ADRA1B: variants seen among roughly 807,000 people sequenced by gnomAD.
ADRA1B encodes the protein alpha-1B adrenergic receptor.
A neutral mutation model predicts 17.9 loss-of-function variants in ADRA1B; 17 were observed. The ratio of observed to expected loss-of-function variants is 0.95; its 90% confidence interval spans 0.65 to 1.42. The LOEUF is 1.42. ADRA1B is among the 40% of genes most tolerant of loss of function. ADRA1B has a pLI of 0.00. For synonymous variants in ADRA1B, 366 were observed against 327.6 expected, an observed-to-expected ratio of 1.12 and a Z score of -1.27; for missense variants, 681 against 722.1, an observed-to-expected ratio of 0.94 and a Z score of 0.65.
chr5:159,972,040 GGCCGCCGCCGACGCCGCCGCC>G lies in ADRA1B; in HGVS notation c.1116_1136del (p.Arg374_Arg380del). The G allele has an allele frequency of 7.3e-7, 1 of 1,378,408 alleles. No homozygotes were observed. The highest frequency in any genetic ancestry group is 9.4e-7 in the Non-Finnish European group (1 of 1,064,636). 85.4% of individuals were successfully genotyped at this position (1,378,408 alleles called of 1,614,324 possible). A position where few individuals can be genotyped will look rare whatever the true frequency, so the allele number is the denominator to read the frequency against. On this transcript the variant is annotated inframe_deletion, in exon 2 of 2. Transcript: ENST00000306675. ...CCTCGGGTGCCAGTGCCGCGGCCGC[GGCCGCCGCCGACGCCGCCGCC>G]GCCGTCGCCTGGGCGGCTGCGCCTA...
the ADRA1B span, among the ~76,000 whole-genome samples, chr5:159,980,020 C>T: frequency 1.3e-5 from 2 of 151,910 alleles, no homozygotes; most frequent in Non-Finnish European, 2.9e-5. Context: ...AGCGGACCAT[C>T]GTGTGTGGAG....
chr5:159,941,191 A>G (rs1755116746), intron 1 of ADRA1B, among the ~76,000 whole-genome samples: 1 of 152,240 alleles, frequency 6.6e-6, no homozygotes, highest in Non-Finnish European at 1.5e-5. Flanking sequence ...TTAAAAATGC[A>G]GTTCCTTGGC....
chr5:159,954,456 A>C (rs912416821), intron 1 of ADRA1B, among the ~76,000 whole-genome samples: 1 of 152,032 alleles, frequency 6.6e-6, no homozygotes, highest in Non-Finnish European at 1.5e-5. Flanking sequence ...CAAAGGCCCC[A>C]CCTCCTGATA....
At chr5:159,902,966 G>A (rs1382515202) in intron 1 of ADRA1B, among the ~76,000 whole-genome samples, 6 of 152,146 alleles carry the variant, frequency 3.9e-5, no homozygotes, top group Admixed American at 1.3e-4. Context: ...GACAGAACAC[G>A]TCAGGTACTT....
the ADRA1B span, among the ~76,000 whole-genome samples, chr5:159,983,548 A>G: frequency 2.0e-5 from 3 of 152,192 alleles, no homozygotes; most frequent in Non-Finnish European, 4.4e-5. Context: ...AGATACAGTG[A>G]TGAACAACGA....
chr5:159,875,190 G>C (rs545192511), intron 1 of ADRA1B, among the ~76,000 whole-genome samples: 1 of 152,294 alleles, frequency 6.6e-6, no homozygotes, highest in Non-Finnish European at 1.5e-5. Context: ...GGCCTTTTCA[G>C]TAAAATCATG....
At chr5:159,980,618 T>A in the ADRA1B span, among the ~76,000 whole-genome samples, 1 of 152,154 alleles carries the variant, frequency 6.6e-6, no homozygotes, top group Non-Finnish European at 1.5e-5. Flanking sequence ...TCTCTCAGCC[T>A]CCGTTTCCTG....
chr5:159,872,216 A>T (rs575862177), intron 1 of ADRA1B, among the ~76,000 whole-genome samples: 1 of 152,336 alleles, frequency 6.6e-6, no homozygotes, highest in South Asian at 2.1e-4. Context: ...GAAATTGCAC[A>T]TGTGGCCTTT....
intron 1 of ADRA1B, among the ~76,000 whole-genome samples, chr5:159,900,710 C>G (rs1188256233): frequency 1.3e-5 from 2 of 152,236 alleles, no homozygotes. Flanking sequence ...TGCCATACCC[C>G]CCACTGAGCA....
At chr5:159,933,158 G>T (rs965356232) in intron 1 of ADRA1B, among the ~76,000 whole-genome samples, 1 of 152,164 alleles carries the variant, frequency 6.6e-6, no homozygotes, top group Non-Finnish European at 1.5e-5. Flanking sequence ...TTAACAGGTG[G>T]AATTTTTGTG....
In ADRA1B at chr5:159,893,535, G is replaced by A. The variant is rs188523013; in HGVS notation, c.-255-22584G>A. Among the ~76,000 whole-genome samples the A allele has an allele frequency of 2.1e-4, 32 of 152,272 alleles. No homozygotes were observed. In the East Asian group the frequency reaches 5.8e-3, roughly 28 times the overall value. Reference sequence around the variant, plus strand: ...AGTGGAAAACAAGACATACATGCAGGGACCTCAAAGGCAAAGACTAGGGGT... The same window carrying A: ...AGTGGAAAACAAGACATACATGCAGAGACCTCAAAGGCAAAGACTAGGGGT... On this transcript the variant is annotated intron_variant, in intron 1 of 2. Transcript: ENST00000641205.
chr5:159,960,661 T>C (rs1006727734), intron 1 of ADRA1B, among the ~76,000 whole-genome samples: 13 of 139,038 alleles, frequency 9.3e-5, no homozygotes, highest in African/African-American at 3.3e-4. Context: ...CTGGGCAACA[T>C]AGCAAGTTCA....
intron 1 of ADRA1B, among the ~76,000 whole-genome samples, chr5:159,909,908 AG>A (rs948837235): frequency 6.6e-6 from 1 of 152,242 alleles, no homozygotes; most frequent in African/African-American, 2.4e-5. Flanking sequence ...GGAAAAGTGT[AG>A]GGTAAAGAAC....
chr5:159,894,923 C>A (rs1754026167), intron 1 of ADRA1B, among the ~76,000 whole-genome samples: 1 of 152,214 alleles, frequency 6.6e-6, no homozygotes, highest in Non-Finnish European at 1.5e-5. Context: ...CAAGCACCAT[C>A]ATGATTTTGC....
At chr5:159,936,924 G>T (rs1318641867) in intron 1 of ADRA1B, among the ~76,000 whole-genome samples, 1 of 152,180 alleles carries the variant, frequency 6.6e-6, no homozygotes, top group East Asian at 1.9e-4. Flanking sequence ...CATCCACTGT[G>T]AGTGGCCTTA....
intron 1 of ADRA1B, among the ~76,000 whole-genome samples, chr5:159,884,232 A>G (rs1351928536): frequency 6.6e-6 from 1 of 152,204 alleles, no homozygotes; most frequent in Non-Finnish European, 1.5e-5. Context: ...ATGGCATGCT[A>G]TTATGTTTGG....
At chr5:159,946,235 A>G (rs1755269674) in intron 1 of ADRA1B, among the ~76,000 whole-genome samples, 1 of 152,226 alleles carries the variant, frequency 6.6e-6, no homozygotes, top group African/African-American at 2.4e-5. Context: ...TCCGGGATTT[A>G]CAGAGAATTC....
chr5:159,883,947 C>T (rs958009659), intron 1 of ADRA1B, among the ~76,000 whole-genome samples: 1 of 152,214 alleles, frequency 6.6e-6, no homozygotes, highest in Non-Finnish European at 1.5e-5. Context: ...TATATACCCT[C>T]AATACCAAAC....
intron 1 of ADRA1B, among the ~76,000 whole-genome samples, chr5:159,871,724 C>T (rs943230438): frequency 3.9e-5 from 6 of 152,132 alleles, no homozygotes; most frequent in African/African-American, 1.4e-4. Flanking sequence ...AGGACTTAGA[C>T]GTATCTTTTG....
Sources: gnomAD v4.1 joint callset for allele counts (sites outside exome capture counted in the v4.1 genomes callset) on GRCh38, gnomAD v4.1.1 for gene constraint, MANE v1.5 for transcripts, NCBI Gene and HGNC (gene_info 2026-07-23, HGNC 2026-07-21) for gene names.